Variants in SLC35F4 observed in about 807,000 individuals in gnomAD.
SLC35F4 encodes chromosome 14 open reading frame 36.
In SLC35F4, 24 loss-of-function variants were observed where a neutral mutation model predicts 44.2. The observed-to-expected ratio is 0.54, with a 90% CI of 0.39 to 0.76. The LOEUF is 0.76. Ranked by LOEUF, SLC35F4 falls within the 30% of genes least tolerant of loss-of-function variation. The pLI, the probability that SLC35F4 is intolerant of heterozygous loss-of-function variation, is 0.00. For synonymous variants in SLC35F4, 238 were observed against 223.6 expected (o/e 1.06, Z -0.57); for missense variants, 562 against 586.1 (o/e 0.96, Z 0.42).
upstream of SLC35F4, among the ~76,000 whole-genome samples, chr14:57,867,906 T>C (rs1215990478): frequency 1.3e-5 from 2 of 152,082 alleles, no homozygotes; most frequent in African/African-American, 2.4e-5. Context: ...TACACATACA[T>C]ACACACACAC....
intron 1 of SLC35F4, among the ~76,000 whole-genome samples, chr14:57,957,961 C>G (rs1890270038): frequency 6.6e-6 from 1 of 152,042 alleles, no homozygotes; most frequent in Non-Finnish European, 1.5e-5. Context: ...TTTGCTGTGA[C>G]TTTATAGAAA....
chr14:57,675,274 A>T (rs1442468395), intron 1 of SLC35F4, among the ~76,000 whole-genome samples: 1 of 152,048 alleles, frequency 6.6e-6, no homozygotes, highest in African/African-American at 2.4e-5. Flanking sequence ...CAAAAGACTA[A>T]ACAAATATTG....
rs990240643 is a variant in SLC35F4 at position 57,745,733 on chromosome 14, G to T, written c.103+119990C>A. Among the ~76,000 whole-genome samples, 2 of 152,076 alleles carry T rather than the reference G, an allele frequency of 1.3e-5. 1 individual carries two copies. Among genetic ancestry groups the T allele is most frequent in the Middle Eastern group, 6.4e-3 (2 of 314 alleles). ...ATTTGACCCAGCCATCCCATTACTG[G>T]GTATATACCCAAAGGATTATAAATC... On this transcript the variant is annotated intron_variant, in intron 1 of 7. Transcript: ENST00000556826.
intron 1 of SLC35F4, among the ~76,000 whole-genome samples, chr14:57,810,940 G>A (rs1881895488): frequency 6.6e-6 from 1 of 152,190 alleles, no homozygotes; most frequent in Non-Finnish European, 1.5e-5. Context: ...ATTGTCAGGT[G>A]ACAAACTGAC....
At chr14:57,805,726 C>A (rs756960883) in intron 1 of SLC35F4, among the ~76,000 whole-genome samples, 1 of 152,234 alleles carries the variant, frequency 6.6e-6, no homozygotes, top group East Asian at 1.9e-4. Context: ...CCATGGCACA[C>A]GTTTACCTAT....
At chr14:57,946,202 G>A (rs1043616158) in intron 1 of SLC35F4, among the ~76,000 whole-genome samples, 6 of 152,030 alleles carry the variant, frequency 3.9e-5, no homozygotes, top group African/African-American at 1.2e-4. Flanking sequence ...ATTTGCCTAA[G>A]CCAATGTCTA....
At chr14:57,569,199 T>A (rs1417144840) in intron 6 of SLC35F4, among the ~76,000 whole-genome samples, 1 of 152,204 alleles carries the variant, frequency 6.6e-6, no homozygotes, top group Non-Finnish European at 1.5e-5. Context: ...CACAAATCCA[T>A]TCTCCATTCT....
chr14:57,847,249 A>G (rs1006368260), intron 1 of SLC35F4, among the ~76,000 whole-genome samples: 7 of 152,270 alleles, frequency 4.6e-5, no homozygotes, highest in Admixed American at 3.3e-4. Context: ...AAAAGTACTG[A>G]TGCCTGGGTT....
chr14:57,731,665 C>G (rs1293102411), intron 1 of SLC35F4, among the ~76,000 whole-genome samples: 1 of 152,196 alleles, frequency 6.6e-6, no homozygotes, highest in East Asian at 1.9e-4. Flanking sequence ...GAGAATCTTC[C>G]TGCATCTTTG....
intron 1 of SLC35F4, among the ~76,000 whole-genome samples, chr14:57,685,775 T>A (rs1431902351): frequency 6.6e-6 from 1 of 152,168 alleles, no homozygotes; most frequent in Non-Finnish European, 1.5e-5. Flanking sequence ...AAATTGACTG[T>A]CTTTTGTATT....
intron 1 of SLC35F4, among the ~76,000 whole-genome samples, chr14:57,620,837 A>G (rs1389892511): frequency 6.6e-6 from 1 of 152,178 alleles, no homozygotes; most frequent in Non-Finnish European, 1.5e-5. Context: ...AGGAGAAGGA[A>G]ATAAAGGGTA....
At chr14:57,812,611 A>G (rs750764771) in intron 1 of SLC35F4, among the ~76,000 whole-genome samples, 15 of 152,274 alleles carry the variant, frequency 9.9e-5, no homozygotes, top group African/African-American at 1.9e-4. Context: ...CTGGGGCCCA[A>G]TGAATTTGGA....
At chr14:57,665,554 A>C (rs1219044692) in intron 1 of SLC35F4, among the ~76,000 whole-genome samples, 1 of 152,162 alleles carries the variant, frequency 6.6e-6, no homozygotes, top group Non-Finnish European at 1.5e-5. Flanking sequence ...TAATCACAGA[A>C]CTGAAGTGAC....
In SLC35F4 at chr14:57,821,031, T is replaced by G. The variant is rs1883122350; in HGVS notation, c.103+44692A>C. On this transcript the variant is annotated intron_variant, in intron 1 of 7. Coordinates refer to ENST00000556826, the MANE Select transcript of SLC35F4 (RefSeq NM_001306087.2). ...GTTATTAGTACTTTCTTTTTCATGT[T>G]TGCTTTATTTCATACTTGTAAGACA... Among the ~76,000 whole-genome samples, 2 of 152,254 alleles carry G rather than the reference T, an allele frequency of 1.3e-5. 1 individual carries two copies. The highest frequency in any genetic ancestry group is 1.3e-4 in the Admixed American group (2 of 15,284).
At chr14:57,783,623 G>C (rs2077684187) in intron 1 of SLC35F4, among the ~76,000 whole-genome samples, 1 of 152,140 alleles carries the variant, frequency 6.6e-6, no homozygotes, top group African/African-American at 2.4e-5. Context: ...TGGACAATAA[G>C]AACCATTTTT....
At chr14:57,794,335 C>A (rs1415084523) in intron 1 of SLC35F4, among the ~76,000 whole-genome samples, 1 of 152,004 alleles carries the variant, frequency 6.6e-6, no homozygotes, top group Non-Finnish European at 1.5e-5. Flanking sequence ...TGACAAGGAA[C>A]TCAGAGAAAC....
At position 57,785,711 on chromosome 14, in the gene SLC35F4, C is replaced by T. The variant is rs2077738697; in HGVS notation, c.103+80012G>A. ...TTCTGACTTTACCTGGAGCTGAGTC[C>T]ATTTAGAGAGCTGAGTGAAATACTG... is the stretch of plus-strand genomic sequence containing the variant. On this transcript the variant is annotated intron_variant, in intron 1 of 7. Transcript: ENST00000556826. 2.6e-5 allele frequency among the ~76,000 whole-genome samples: 4 copies of T among 152,140 alleles called. No homozygotes were observed. In the South Asian group the frequency reaches 8.3e-4, roughly 31 times the overall value.
chr14:57,736,144 G>A (rs1405434138), intron 1 of SLC35F4, among the ~76,000 whole-genome samples: 1 of 152,170 alleles, frequency 6.6e-6, no homozygotes, highest in Non-Finnish European at 1.5e-5. Flanking sequence ...AAAGTGTCTT[G>A]CCCTCTCAGA....
In SLC35F4 at chr14:57,589,197, C is replaced by CAGTT. The variant is rs764415849; in HGVS notation, c.587+15_587+18dup. 1 of 1,581,486 alleles carries CAGTT rather than the reference C, an allele frequency of 6.3e-7. No homozygotes were observed. Among genetic ancestry groups the CAGTT allele is most frequent in the Non-Finnish European group, 8.6e-7 (1 of 1,165,484 alleles). ...AACATTTCAATGATCTCTTATTGGG[C>CAGTT]AGTTAACATGAAACCTACCTGAATT... On this transcript the variant is annotated intron_variant, in intron 3 of 7. Coordinates refer to ENST00000556826, the MANE Select transcript of SLC35F4 (RefSeq NM_001306087.2).
Sources: allele counts gnomAD v4.1 joint callset (sites outside exome capture counted in the v4.1 genomes callset), GRCh38; gene constraint gnomAD v4.1.1; transcripts MANE v1.5; gene names NCBI Gene and HGNC (gene_info 2026-07-23, HGNC 2026-07-21).